ZNF217: variants seen among roughly 807,000 people sequenced by gnomAD.
ZNF217 encodes the protein zinc finger protein 217.
A neutral mutation model predicts 73.3 loss-of-function variants in ZNF217; 12 were observed. That is an observed-to-expected ratio of 0.16 (90% CI 0.10 to 0.27). The LOEUF is 0.27. Among genes scored for constraint, ZNF217 ranks in the 10% least tolerant of loss-of-function variants. ZNF217 has a pLI of 1.00. For synonymous variants in ZNF217, 588 were observed against 516.4 expected (o/e 1.14, Z -1.88); for missense variants, 1,195 against 1,327.8 (o/e 0.90, Z 1.55).
In ZNF217 at chr20:53,569,119, C is replaced by G; in HGVS notation, c.*169G>C. 7.6e-7 allele frequency: 1 copy of G among 1,307,442 alleles called. No homozygotes were observed. The highest frequency in any genetic ancestry group is 1.3e-5 in the South Asian group (1 of 78,058). The allele number at this position is 1,307,442 out of a possible 1,614,324, so 81.0% of individuals were successfully genotyped here. ...TACAAAAGTTAACAGAACAACTTTA[C>G]ACAACTGTAGTGTTCCTTGCAGATT... On this transcript the variant is annotated 3_prime_UTR_variant, in exon 6 of 6. Coordinates refer to ENST00000371471, the MANE Select transcript of ZNF217 (RefSeq NM_006526.3).
upstream of ZNF217, among the ~76,000 whole-genome samples, chr20:53,594,872 A>G (rs943198348): frequency 1.3e-5 from 2 of 152,064 alleles, no homozygotes. Context: ...GAAGATAAAC[A>G]GTTTTTAAAT....
intron 1 of ZNF217, among the ~76,000 whole-genome samples, chr20:53,592,153 T>C (rs751228954): frequency 1.3e-5 from 2 of 152,130 alleles, no homozygotes; most frequent in Non-Finnish European, 2.9e-5. Context: ...CCAAACGATC[T>C]AGAAAACTGA....
chr20:53,569,383 T>C, intron 5 of ZNF217, 119 bp from the exon 6 acceptor site: 1 of 711,416 alleles, frequency 1.4e-6, no homozygotes, highest in Non-Finnish European at 1.9e-6. Context: ...CAATGGGTTC[T>C]ATTTGTTGTT....
chr20:53,568,967 G>T lies in ZNF217; in HGVS notation c.*321C>A. 5.3e-6 allele frequency: 1 copy of T among 188,892 alleles called. No homozygotes were observed. The highest frequency in any genetic ancestry group is 8.2e-6 in the Non-Finnish European group (1 of 122,570). 11.7% of individuals were successfully genotyped at this position (188,892 alleles called of 1,614,324 possible). On this transcript the variant is annotated 3_prime_UTR_variant, in exon 6 of 6. Coordinates refer to ENST00000371471, the MANE Select transcript of ZNF217 (RefSeq NM_006526.3). ...ATGATTTCTTTTCAGCAGCGCTCAAGTATGCAAAAATTCCACTTCTTATTT... is the reference window on the plus strand; with the variant it reads ...ATGATTTCTTTTCAGCAGCGCTCAATTATGCAAAAATTCCACTTCTTATTT...
intron 1 of ZNF217, among the ~76,000 whole-genome samples, chr20:53,587,748 A>G (rs577246908): frequency 1.0e-3 from 156 of 149,600 alleles, no homozygotes; most frequent in African/African-American, 3.5e-3. Flanking sequence ...AATTATCTCC[A>G]AGACCTGGCT....
chr20:53,585,555 AT>A (rs1988666463), intron 1 of ZNF217, among the ~76,000 whole-genome samples: 1 of 152,204 alleles, frequency 6.6e-6, no homozygotes, highest in South Asian at 2.1e-4. Context: ...GCCCAAAAAA[AT>A]AAGAAATATG....
In ZNF217 at chr20:53,581,021, C is replaced by T. The variant is rs1754933976; in HGVS notation, c.1366+440G>A. Reference sequence around the variant, plus strand: ...CACTGTACCATGCTGAGCAGTGTCCCTGGCCTCTGCCCACTGGATGCCAGC... The same window carrying T: ...CACTGTACCATGCTGAGCAGTGTCCTTGGCCTCTGCCCACTGGATGCCAGC... On this transcript the variant is annotated intron_variant, in intron 2 of 5. Transcript: ENST00000371471. The surrounding 1 kb of genome is among the most constrained non-coding windows in gnomAD (Gnocchi z 4.9). Among the ~76,000 whole-genome samples, 1 of 152,146 alleles carries T rather than the reference C, an allele frequency of 6.6e-6. No homozygotes were observed. Among genetic ancestry groups the T allele is most frequent in the African/African-American group, 2.4e-5 (1 of 41,448 alleles).
chr20:53,595,547 A>G (rs1425827445), upstream of ZNF217, among the ~76,000 whole-genome samples: 1 of 152,208 alleles, frequency 6.6e-6, no homozygotes, highest in Non-Finnish European at 1.5e-5. Context: ...TTTTATATAT[A>G]ACTACTAACC....
intron 1 of ZNF217, among the ~76,000 whole-genome samples, chr20:53,589,247 C>G (rs1988800728): frequency 1.3e-5 from 2 of 152,304 alleles, no homozygotes; most frequent in Middle Eastern, 3.4e-3. Context: ...TTTTGTAAAG[C>G]TTAATAAGAA....
In ZNF217 at chr20:53,582,584, A is replaced by C; in HGVS notation, c.243T>G (p.Asn81Lys). 6.2e-7 allele frequency: 1 copy of C among 1,614,192 alleles called. No individual in the cohort carries two copies. Among genetic ancestry groups the C allele is most frequent in the Non-Finnish European group, 8.5e-7 (1 of 1,180,034 alleles). The change falls in exon 2 of 6, where the codon AAT becomes AAG. Residue 81 changes from asparagine (N) to lysine (K), a missense_variant. Physicochemically the swap from Asn to Lys is moderately conservative, Grantham distance 94. This residue lies in a region of ZNF217 where 147 missense variants were observed against 184.3 expected (regional missense o/e 0.80). Coordinates refer to ENST00000371471, the MANE Select transcript of ZNF217 (RefSeq NM_006526.3). The surrounding 1 kb of genome is among the most constrained non-coding windows in gnomAD (Gnocchi z 4.8). ...SQTFTHSEDL[N>K]KHVLMQHRPT... is the part of the protein sequence containing the mutation. Reference sequence around the variant, plus strand: ...GCCGGTGTTGCATTAAGACATGTTTATTAAGGTCTTCTGAATGTGTGAAGG... The same window carrying C: ...GCCGGTGTTGCATTAAGACATGTTTCTTAAGGTCTTCTGAATGTGTGAAGG...
At chr20:53,591,159 A>G (rs557489411) in intron 1 of ZNF217, among the ~76,000 whole-genome samples, 217 of 152,172 alleles carry the variant, frequency 1.4e-3, no homozygotes, top group African/African-American at 5.0e-3. Context: ...CCTTTTTTTG[A>G]GTAAGAAGTG....
chr20:53,575,630 C>T (rs1475102900), intron 4 of ZNF217, 97 bp downstream of exon 4: 2 of 1,247,132 alleles, frequency 1.6e-6, no homozygotes, highest in East Asian at 2.6e-5. Flanking sequence ...TGCCTACCCC[C>T]CACCCTTGGG....
Position 53,576,523 on chromosome 20 carries a change from G to C in ZNF217, c.2241C>G (p.Ser747=). The C allele has an allele frequency of 4.3e-6, 7 of 1,614,246 alleles. No individual in the cohort carries two copies. The highest frequency in any genetic ancestry group is 5.9e-6 in the Non-Finnish European group (7 of 1,180,046). The change falls in exon 4 of 6, where the codon TCC becomes TCG. Residue 747 remains serine, a synonymous_variant. Transcript: ENST00000371471. ...ATCCGGTACGTCGACTTCTAAGCAA[G>C]GACTTGTTTCGACAGTTTTTATGAA... ...PDVHKNCRNK[S]LLRSRRTGCP... is the part of the protein sequence containing the mutation.
chr20:53,581,362 T>A lies in ZNF217; in HGVS notation c.1366+99A>T, dbSNP rs1988473889. The A allele has an allele frequency of 2.7e-6, 4 of 1,486,734 alleles. No homozygotes were observed. In the Admixed American group the frequency reaches 9.0e-5, roughly 33 times the overall value. 92.1% of individuals were successfully genotyped at this position (1,486,734 alleles called of 1,614,324 possible). ...TTGACTCTGGCTCTCCAAACCCCAT[T>A]CCTGGCCAGCGTTGTCTGGAGATGG... On this transcript the variant is annotated intron_variant, in intron 2 of 5. Coordinates refer to ENST00000371471, the MANE Select transcript of ZNF217 (RefSeq NM_006526.3). The surrounding 1 kb of genome is among the most constrained non-coding windows in gnomAD (Gnocchi z 4.9).
intron 5 of ZNF217, chr20:53,570,592 T>C (rs1987952543): frequency 6.6e-6 from 1 of 152,578 alleles, no homozygotes; most frequent in African/African-American, 2.4e-5. Flanking sequence ...CCCAAACTAA[T>C]TAACTAAATA....
intron 1 of ZNF217, among the ~76,000 whole-genome samples, chr20:53,593,468 T>G (rs538446452): frequency 1.6e-5 from 2 of 125,222 alleles, no homozygotes; most frequent in Non-Finnish European, 1.6e-5. Flanking sequence ...CCGGCGGAGA[T>G]TCAGGGAACC....
At position 53,568,971 on chromosome 20, in the gene ZNF217, G is replaced by T; in HGVS notation, c.*317C>A. 2 of 236,844 alleles carry T rather than the reference G, an allele frequency of 8.4e-6. No individual in the cohort carries two copies. Among genetic ancestry groups the T allele is most frequent in the South Asian group, 1.3e-4 (1 of 7,998 alleles). 14.7% of individuals were successfully genotyped at this position (236,844 alleles called of 1,614,324 possible). ...TTTCTTTTCAGCAGCGCTCAAGTAT[G>T]CAAAAATTCCACTTCTTATTTGGTC... On this transcript the variant is annotated 3_prime_UTR_variant, in exon 6 of 6. Coordinates refer to ENST00000371471, the MANE Select transcript of ZNF217 (RefSeq NM_006526.3).
At chr20:53,575,621 G>T in intron 4 of ZNF217, 106 bp downstream of exon 4, 1 of 1,156,286 alleles carries the variant, frequency 8.6e-7, no homozygotes. Flanking sequence ...ACTTCTGGCT[G>T]CCTACCCCCC....
Position 53,582,071 on chromosome 20 carries a change from G to A in ZNF217, c.756C>T (p.Asp252=). The change falls in exon 2 of 6, where the codon GAC becomes GAT. Residue 252 remains aspartate, a synonymous_variant. Coordinates refer to ENST00000371471, the MANE Select transcript of ZNF217 (RefSeq NM_006526.3). This position sits in a 1 kb window ranked among gnomAD's most constrained non-coding sequence, Gnocchi z 4.8. ...AGGACGGCATTCCTCCTTGTGGAGA[G>A]TCTGTCTGCGCGCTGCTGGTACCGA... The part of the protein sequence containing the change: ...TAFGTSSAQT[D]SPQGGMPSSR... The A allele has an allele frequency of 6.2e-7, 1 of 1,614,246 alleles. No individual in the cohort carries two copies.
Sources: gnomAD v4.1 joint callset for allele counts (sites outside exome capture counted in the v4.1 genomes callset) on GRCh38, gnomAD v4.1.1 for gene constraint, gnomAD v4.1.1 regional missense constraint, Gnocchi (gnomAD v3.1) non-coding constraint, MANE v1.5 for transcripts, NCBI Gene and HGNC (gene_info 2026-07-23, HGNC 2026-07-21) for gene names.